NEK11: variants seen among roughly 807,000 people sequenced by gnomAD.
The protein encoded by NEK11 is serine/threonine-protein kinase Nek11.
In NEK11, 72 loss-of-function variants were observed where a neutral mutation model predicts 80.7. The observed-to-expected ratio is 0.89, with a 90% CI of 0.74 to 1.08. The LOEUF (loss-of-function observed/expected upper bound fraction) is 1.08, where lower values mean the gene tolerates loss of function less well. NEK11 is among the 50% of genes least tolerant of loss of function. NEK11 has a pLI of 0.00. For missense variants in NEK11, 764 were observed against 763.6 expected, an observed-to-expected ratio of 1.00 and a Z score of -0.01; for synonymous variants, 251 against 260.7, an observed-to-expected ratio of 0.96 and a Z score of 0.36.
intron 3 of NEK11, among the ~76,000 whole-genome samples, chr3:131,035,405 A>C (rs947771266): frequency 2.0e-5 from 3 of 152,212 alleles, no homozygotes; most frequent in Non-Finnish European, 4.4e-5. Flanking sequence ...GTCTGGGTCC[A>C]TTGTTGTAAA....
intron 14 of NEK11, 96 bp from the exon 15 acceptor site, chr3:131,228,432 C>T (rs2095257479): frequency 8.8e-7 from 1 of 1,136,330 alleles, no homozygotes; most frequent in Non-Finnish European, 1.2e-6. Context: ...TTTGTCAACG[C>T]AAGCAAAATA....
At chr3:131,121,025 A>G (rs1000810828) in intron 5 of NEK11, among the ~76,000 whole-genome samples, 3 of 152,150 alleles carry the variant, frequency 2.0e-5, no homozygotes, top group African/African-American at 7.2e-5. Context: ...TTCCGTTGCT[A>G]GCGAGGAGCT....
chr3:131,106,929 A>G (rs2079269827), intron 4 of NEK11, among the ~76,000 whole-genome samples: 1 of 152,180 alleles, frequency 6.6e-6, no homozygotes, highest in Non-Finnish European at 1.5e-5. Flanking sequence ...TTTCTGGCCC[A>G]TGGAACAAGA....
chr3:131,346,392 T>C (rs562646008), intron 17 of NEK11, among the ~76,000 whole-genome samples: 1 of 152,212 alleles, frequency 6.6e-6, no homozygotes, highest in South Asian at 2.1e-4. Flanking sequence ...GGGAGGAAAA[T>C]AAACATACTG....
At chr3:131,071,103 T>G (rs1441340537) in intron 3 of NEK11, among the ~76,000 whole-genome samples, 1 of 152,230 alleles carries the variant, frequency 6.6e-6, no homozygotes, top group Non-Finnish European at 1.5e-5. Context: ...TTGTGAAACA[T>G]CAGAGCAAAA....
At chr3:131,142,794 C>A (rs769110865) in intron 7 of NEK11, among the ~76,000 whole-genome samples, 16 of 152,240 alleles carry the variant, frequency 1.1e-4, no homozygotes, top group Admixed American at 3.9e-4. Flanking sequence ...TGGTTTTGAT[C>A]TTTTTCCTCC....
intron 14 of NEK11, among the ~76,000 whole-genome samples, chr3:131,225,338 C>T (rs2095160315): frequency 1.3e-5 from 2 of 152,246 alleles, no homozygotes; most frequent in South Asian, 4.1e-4. Flanking sequence ...GTTATACCAT[C>T]GAGGTTTGTA....
At chr3:131,128,194 A>G (rs1001668714) in intron 5 of NEK11, among the ~76,000 whole-genome samples, 3 of 152,174 alleles carry the variant, frequency 2.0e-5, no homozygotes, top group African/African-American at 7.2e-5. Context: ...AGTTTACATT[A>G]GGGTTCATTC....
rs1219364120 is a variant in NEK11 at position 131,319,315 on chromosome 3, C to T, written c.1719-30242C>T. Among the ~76,000 whole-genome samples, 3 of 152,120 alleles carry T rather than the reference C, an allele frequency of 2.0e-5. No homozygotes were observed. The East Asian group carries it at 5.8e-4, about 29-fold the overall frequency. On this transcript the variant is annotated intron_variant, in intron 17 of 17. Transcript: ENST00000383366. Reference sequence around the variant, plus strand: ...TAATGCCTACTGTGTGCTAAGCTCCCTTGGCACTCACTAGGCACATCATTA... The same window carrying T: ...TAATGCCTACTGTGTGCTAAGCTCCTTTGGCACTCACTAGGCACATCATTA...
At chr3:131,229,989 A>G (rs1378455978) in intron 15 of NEK11, among the ~76,000 whole-genome samples, 1 of 152,136 alleles carries the variant, frequency 6.6e-6, no homozygotes, top group East Asian at 1.9e-4. Context: ...TCGAAAATAT[A>G]ATTTCTACTA....
intron 14 of NEK11, among the ~76,000 whole-genome samples, chr3:131,208,290 T>A (rs980582269): frequency 3.9e-5 from 6 of 152,152 alleles, no homozygotes; most frequent in Admixed American, 2.0e-4. Context: ...GTGTTATTAT[T>A]TCTGAGGGCT....
At chr3:131,338,291 T>TTA (rs2097225584) in intron 17 of NEK11, among the ~76,000 whole-genome samples, 1 of 148,142 alleles carries the variant, frequency 6.8e-6, no homozygotes, top group African/African-American at 2.5e-5. Context: ...TTTTTTTTTT[T>TTA]AATACTAAGT....
chr3:131,115,608 A>T (rs1395596858), intron 5 of NEK11, among the ~76,000 whole-genome samples: 1 of 152,196 alleles, frequency 6.6e-6, no homozygotes, highest in African/African-American at 2.4e-5. Flanking sequence ...GAAAATTCAC[A>T]GTTCACTAGA....
intron 17 of NEK11, among the ~76,000 whole-genome samples, chr3:131,346,847 G>C (rs375788856): frequency 6.6e-5 from 10 of 152,166 alleles, no homozygotes; most frequent in South Asian, 2.1e-4. Context: ...TGGCACTGAT[G>C]AGGTCAATTG....
intron 17 of NEK11, chr3:131,329,617 C>G (rs1161367494): frequency 1.3e-5 from 2 of 151,992 alleles, no homozygotes; most frequent in East Asian, 1.9e-4. Context: ...ATAAGTAGTA[C>G]AGAATATTGG....
intron 5 of NEK11, among the ~76,000 whole-genome samples, chr3:131,121,035 T>C (rs892510657): frequency 1.3e-5 from 2 of 152,242 alleles, no homozygotes; most frequent in Admixed American, 6.5e-5. Flanking sequence ...AGCGAGGAGC[T>C]GAGTTCCTTT....
intron 3 of NEK11, among the ~76,000 whole-genome samples, chr3:131,057,178 A>G (rs2069706778): frequency 6.6e-6 from 1 of 151,112 alleles, no homozygotes; most frequent in Non-Finnish European, 1.5e-5. Flanking sequence ...GAGAATGATG[A>G]TTTCCAATTT....
chr3:131,180,158 C>T (rs995908539), intron 14 of NEK11, among the ~76,000 whole-genome samples: 1 of 152,176 alleles, frequency 6.6e-6, no homozygotes, highest in Non-Finnish European at 1.5e-5. Flanking sequence ...AATTCTTCAG[C>T]TTGAAAATTA....
At position 131,125,114 on chromosome 3, in the gene NEK11, C is replaced by T. The variant is rs573443005; in HGVS notation, c.456-7631C>T. Among the ~76,000 whole-genome samples the T allele has an allele frequency of 2.3e-3, 347 of 152,190 alleles. 8 individuals carry two copies. Among genetic ancestry groups the T allele is most frequent in the Non-Finnish European group, 2.9e-3 (197 of 68,030 alleles). On this transcript the variant is annotated intron_variant, in intron 5 of 17. Transcript: ENST00000383366. The stretch of plus-strand genomic sequence containing the variant: ...CTAATCCACTAAAGGGTTAAAGAGG[C>T]TAAAGATTATTTGAATTAGGGGAAA...
Sources: allele counts gnomAD v4.1 joint callset (sites outside exome capture counted in the v4.1 genomes callset), GRCh38; gene constraint gnomAD v4.1.1; transcripts MANE v1.5; gene names NCBI Gene and HGNC (gene_info 2026-07-23, HGNC 2026-07-21).